INPP4B: variants seen among roughly 807,000 people sequenced by gnomAD.
INPP4B encodes the protein inositol polyphosphate-4-phosphatase type II B, also known as inositol polyphosphate 4-phosphatase type II.
Under a neutral mutation model 122.5 loss-of-function variants are expected in INPP4B, and 55 were observed. The observed-to-expected ratio is 0.45, with a 90% confidence interval of 0.36 to 0.56. The LOEUF is 0.56. INPP4B is among the 20% of genes least tolerant of loss of function. INPP4B has a pLI of 0.00. For missense variants in INPP4B, 1,000 were observed against 1,097.7 expected (o/e 0.91, Z 1.26); for synonymous variants, 403 against 388.7 (o/e 1.04, Z -0.43).
chr4:142,208,506 T>C lies in INPP4B; in HGVS notation c.991A>G (p.Ser331Gly). The C allele has an allele frequency of 3.8e-6, 6 of 1,599,168 alleles. No individual in the cohort carries two copies. Among genetic ancestry groups the C allele is most frequent in the Non-Finnish European group, 5.1e-6 (6 of 1,172,000 alleles). Residue 331 changes from serine (S) to glycine (G), a missense_variant, in exon 14 of 26, where the codon AGC becomes GGC. Ser to Gly is a moderately conservative substitution (Grantham distance 56). Transcript: ENST00000262992. ...AATTCTAATGTTTTCTCTCCTTTGC[T>C]GCTGCTTGATTTGAAAGAGGACCCT... is the stretch of plus-strand genomic sequence containing the variant. ...ETGSSFKSSS[S>G]KGEKTLEFVP...
chr4:142,441,788 C>G (rs939838320), intron 3 of INPP4B, among the ~76,000 whole-genome samples: 1 of 146,964 alleles, frequency 6.8e-6, no homozygotes, highest in Non-Finnish European at 1.5e-5. Context: ...ATTTCTCAAG[C>G]AGATAAGGCC....
At chr4:142,616,918 A>G (rs925934127) in intron 2 of INPP4B, among the ~76,000 whole-genome samples, 1 of 152,062 alleles carries the variant, frequency 6.6e-6, no homozygotes, top group Non-Finnish European at 1.5e-5. Flanking sequence ...GTGGAATAAT[A>G]GACACTGGAG....
In INPP4B at chr4:142,772,527, G is replaced by T. The variant is rs140885070; in HGVS notation, c.-253-46626C>A. Among the ~76,000 whole-genome samples, 77 of 152,246 alleles carry T rather than the reference G, an allele frequency of 5.1e-4. No individual in the cohort carries two copies. The Middle Eastern group carries it at 0.017, about 34-fold the overall frequency. Reference sequence around the variant, plus strand: ...CAGTAGATGGAAGAAAAGGGAAGGAGCTGAAGTCCAGTGTGGGCAGTAGCA... The same window carrying T: ...CAGTAGATGGAAGAAAAGGGAAGGATCTGAAGTCCAGTGTGGGCAGTAGCA... On this transcript the variant is annotated intron_variant, in intron 1 of 25. Coordinates refer to ENST00000262992, the MANE Select transcript of INPP4B (RefSeq NM_001101669.3).
At chr4:142,085,188 T>C (rs1281430452) in intron 24 of INPP4B, among the ~76,000 whole-genome samples, 1 of 152,196 alleles carries the variant, frequency 6.6e-6, no homozygotes, top group African/African-American at 2.4e-5. Flanking sequence ...AATTATTTCA[T>C]ATGGGCTCAT....
rs1054049995 is a variant in INPP4B at position 142,482,578 on chromosome 4, G to T, written c.-190-19852C>A. On this transcript the variant is annotated intron_variant, in intron 2 of 25. Transcript: ENST00000262992. ...ATTATTTAATAACTCCAAAGTAAAA[G>T]AATTTGTATTTGTGGTGGACTCTCT... is the stretch of plus-strand genomic sequence containing the variant. Among the ~76,000 whole-genome samples, 4 of 152,172 alleles carry T rather than the reference G, an allele frequency of 2.6e-5. No individual in the cohort carries two copies. In the East Asian group the frequency reaches 5.8e-4, roughly 22 times the overall value.
intron 2 of INPP4B, among the ~76,000 whole-genome samples, chr4:142,582,479 G>A (rs766640475): frequency 5.3e-5 from 8 of 152,092 alleles, no homozygotes; most frequent in Non-Finnish European, 1.2e-4. Context: ...CATGTGTGTG[G>A]GAGAAGTTGG....
At position 142,774,409 on chromosome 4, in the gene INPP4B, A is replaced by T. The variant is rs530205600; in HGVS notation, c.-253-48508T>A. ...AAAGGCAGGTGAGTTATATTTGGAC[A>T]GCTTAATAATCATAAAATTATTCTT... On this transcript the variant is annotated intron_variant, in intron 1 of 25. Coordinates refer to ENST00000262992, the MANE Select transcript of INPP4B (RefSeq NM_001101669.3). 1.2e-4 allele frequency among the ~76,000 whole-genome samples: 19 copies of T among 152,252 alleles called. No homozygotes were observed. The South Asian group carries it at 3.9e-3, about 32-fold the overall frequency.
intron 2 of INPP4B, among the ~76,000 whole-genome samples, chr4:142,652,023 C>T (rs1753076935): frequency 2.0e-5 from 3 of 152,174 alleles, no homozygotes; most frequent in African/African-American, 4.8e-5. Context: ...TTATCCACCA[C>T]TATCAGGTCA....
intron 7 of INPP4B, among the ~76,000 whole-genome samples, chr4:142,327,429 T>C (rs1772797706): frequency 6.6e-6 from 1 of 151,746 alleles, no homozygotes; most frequent in Admixed American, 6.6e-5. Context: ...ACAAAGTATG[T>C]ATTTACATGA....
At chr4:142,527,042 A>G (rs966264057) in intron 2 of INPP4B, among the ~76,000 whole-genome samples, 2 of 152,024 alleles carry the variant, frequency 1.3e-5, no homozygotes, top group South Asian at 2.1e-4. Flanking sequence ...TTTTGAAACA[A>G]GTTCTAAAGT....
At chr4:142,464,512 C>T (rs890131701) in intron 2 of INPP4B, among the ~76,000 whole-genome samples, 1 of 151,472 alleles carries the variant, frequency 6.6e-6, no homozygotes, top group African/African-American at 2.4e-5. Context: ...TAAATTATAC[C>T]AGGACTCATT....
intron 2 of INPP4B, among the ~76,000 whole-genome samples, chr4:142,475,810 GAAGA>G (rs1397396163): frequency 3.3e-5 from 5 of 152,094 alleles, no homozygotes; most frequent in Admixed American, 2.6e-4. Flanking sequence ...AACCAACAGA[GAAGA>G]AAGAATGAAA....
At chr4:142,677,355 G>A (rs561213154) in intron 2 of INPP4B, among the ~76,000 whole-genome samples, 4 of 152,254 alleles carry the variant, frequency 2.6e-5, no homozygotes, top group South Asian at 4.1e-4. Context: ...AGATGCTGGA[G>A]AGGGTGGGGA....
At chr4:142,666,670 T>C (rs1459803628) in intron 2 of INPP4B, among the ~76,000 whole-genome samples, 2 of 152,190 alleles carry the variant, frequency 1.3e-5, no homozygotes, top group Admixed American at 6.5e-5. Flanking sequence ...TGTGTGTGTG[T>C]GTGTACTTTT....
intron 2 of INPP4B, among the ~76,000 whole-genome samples, chr4:142,693,676 G>A (rs1020475477): frequency 6.6e-6 from 1 of 151,962 alleles, no homozygotes; most frequent in African/African-American, 2.4e-5. Flanking sequence ...TTACTTACAT[G>A]ATTTTTTTCC....
At chr4:142,455,197 T>C (rs1815127034) in intron 3 of INPP4B, among the ~76,000 whole-genome samples, 1 of 152,066 alleles carries the variant, frequency 6.6e-6, no homozygotes, top group African/African-American at 2.4e-5. Context: ...TATTTTAATA[T>C]ATACGATTAA....
chr4:142,625,336 T>A (rs1448546263), intron 2 of INPP4B, among the ~76,000 whole-genome samples: 1 of 152,030 alleles, frequency 6.6e-6, no homozygotes, highest in Non-Finnish European at 1.5e-5. Context: ...TATACACCAA[T>A]AACAGACAAA....
At chr4:142,336,407 G>C (rs1379172458) in intron 7 of INPP4B, among the ~76,000 whole-genome samples, 3 of 152,180 alleles carry the variant, frequency 2.0e-5, no homozygotes, top group Non-Finnish European at 4.4e-5. Flanking sequence ...CCAGACCTTA[G>C]GACTCCTTGA....
At chr4:142,407,928 T>C (rs1803782677) in intron 5 of INPP4B, among the ~76,000 whole-genome samples, 1 of 152,206 alleles carries the variant, frequency 6.6e-6, no homozygotes, top group Non-Finnish European at 1.5e-5. Flanking sequence ...TACTAATATA[T>C]ATTAATATCA....
Sources: allele counts gnomAD v4.1 joint callset (sites outside exome capture counted in the v4.1 genomes callset), GRCh38; gene constraint gnomAD v4.1.1; transcripts MANE v1.5; gene names NCBI Gene and HGNC (gene_info 2026-07-23, HGNC 2026-07-21).